Variants in PXDNL observed in about 807,000 individuals in gnomAD.
The protein encoded by PXDNL is peroxidasin like, also known as probable oxidoreductase PXDNL.
A neutral mutation model predicts 150.8 loss-of-function variants in PXDNL; 145 were observed. The ratio of observed to expected loss-of-function variants is 0.96; its 90% confidence interval spans 0.84 to 1.10. The LOEUF is 1.10. Ranked by LOEUF, PXDNL falls within the 50% of genes least tolerant of loss-of-function variation. PXDNL has a pLI of 0.00. For missense variants in PXDNL, 2,087 were observed against 1,873.9 expected (o/e 1.11, Z -2.10); for synonymous variants, 757 against 725.7 (o/e 1.04, Z -0.69).
chr8:51,705,530 G>A (rs958329413), intron 1 of PXDNL, among the ~76,000 whole-genome samples: 3 of 152,228 alleles, frequency 2.0e-5, no homozygotes, highest in African/African-American at 7.2e-5. Flanking sequence ...AGAAGAAGGA[G>A]AAAGAGTAGG....
intron 3 of PXDNL, among the ~76,000 whole-genome samples, chr8:51,587,839 C>A: frequency 6.6e-6 from 1 of 152,020 alleles, no homozygotes; most frequent in East Asian, 1.9e-4. Flanking sequence ...ATGAGTAGTT[C>A]CTGTGTTCTA....
chr8:51,361,960 A>AAAAAAAG (rs1563374211), intron 19 of PXDNL, among the ~76,000 whole-genome samples: 169 of 148,960 alleles, frequency 1.1e-3, no homozygotes, highest in African/African-American at 4.1e-3. Context: ...AAAAAAAAAA[A>AAAAAAAG]AAAAAGAAAA....
intron 5 of PXDNL, among the ~76,000 whole-genome samples, chr8:51,486,758 A>ATATG (rs1363625684): frequency 1.9e-4 from 3 of 16,186 alleles, no homozygotes; most frequent in Admixed American, 2.4e-3. Context: ...GTTTATATAT[A>ATATG]TATATATATA....
intron 1 of PXDNL, among the ~76,000 whole-genome samples, chr8:51,792,086 C>T (rs892142326): frequency 1.1e-4 from 17 of 151,542 alleles, no homozygotes; most frequent in Non-Finnish European, 2.2e-4. Context: ...TGAGTTTTAC[C>T]TTCTGCCTTA....
intron 14 of PXDNL, among the ~76,000 whole-genome samples, chr8:51,419,930 T>C (rs746634518): frequency 1.2e-4 from 19 of 152,256 alleles, no homozygotes; most frequent in Non-Finnish European, 2.8e-4. Flanking sequence ...AGGTTATTTA[T>C]GTAAACTGTT....
intron 21 of PXDNL, among the ~76,000 whole-genome samples, chr8:51,329,754 G>A (rs759122022): frequency 7.2e-5 from 11 of 152,166 alleles, no homozygotes; most frequent in Non-Finnish European, 5.9e-5. Flanking sequence ...GAATGCCTTC[G>A]ATGGCTTCAT....
intron 12 of PXDNL, among the ~76,000 whole-genome samples, chr8:51,433,962 G>T (rs1809324656): frequency 6.6e-6 from 1 of 151,932 alleles, no homozygotes; most frequent in Admixed American, 6.6e-5. Context: ...TTATCTATAT[G>T]TTCATCAGGT....
chr8:51,330,375 A>G (rs1805645286), intron 21 of PXDNL, among the ~76,000 whole-genome samples: 1 of 138,850 alleles, frequency 7.2e-6, no homozygotes, highest in Admixed American at 7.0e-5. Context: ...AAATCTAAGA[A>G]CTACAGGGCA....
Position 51,524,601 on chromosome 8 carries a change from G to A in PXDNL, c.381-24831C>T, listed in dbSNP as rs141535767. ...ATAAAATTCAGTTTTTATTTTAGATGTGAAACTTTTCTTATGATGCCACCA... is the reference window on the plus strand; with the variant it reads ...ATAAAATTCAGTTTTTATTTTAGATATGAAACTTTTCTTATGATGCCACCA... On this transcript the variant is annotated intron_variant, in intron 4 of 22. Coordinates refer to ENST00000356297, the MANE Select transcript of PXDNL (RefSeq NM_144651.5). Among the ~76,000 whole-genome samples the A allele has an allele frequency of 1.2e-3, 184 of 152,134 alleles. 1 individual carries two copies. Among genetic ancestry groups the A allele is most frequent in the East Asian group, 7.4e-3 (38 of 5,168 alleles).
At chr8:51,678,344 A>G (rs1415532543) in intron 1 of PXDNL, among the ~76,000 whole-genome samples, 4 of 152,288 alleles carry the variant, frequency 2.6e-5, no homozygotes, top group East Asian at 1.9e-4. Context: ...TTACTTACAC[A>G]TTTAGTCCAC....
intron 21 of PXDNL, among the ~76,000 whole-genome samples, chr8:51,333,117 C>T (rs2130651328): frequency 6.6e-6 from 1 of 152,286 alleles, no homozygotes; most frequent in Non-Finnish European, 1.5e-5. Flanking sequence ...AAAGGAAAAC[C>T]TATCAGATTA....
chr8:51,440,750 G>A (rs1191367778), intron 12 of PXDNL, among the ~76,000 whole-genome samples: 1 of 152,166 alleles, frequency 6.6e-6, no homozygotes, highest in Non-Finnish European at 1.5e-5. Flanking sequence ...GACCAGGAAG[G>A]GCCTGAAAAC....
At chr8:51,749,649 G>A (rs115708555) in intron 1 of PXDNL, among the ~76,000 whole-genome samples, 8,568 of 152,218 alleles carry the variant, frequency 0.056, 273 homozygotes, top group African/African-American at 0.09. Context: ...ATTACTGTAC[G>A]CTACTGTAGA....
At chr8:51,554,252 G>C (rs1264690370) in intron 4 of PXDNL, among the ~76,000 whole-genome samples, 2 of 152,148 alleles carry the variant, frequency 1.3e-5, no homozygotes, top group Non-Finnish European at 2.9e-5. Flanking sequence ...GGGAATTTGG[G>C]GGGCAGAGAC....
chr8:51,611,039 C>T (rs1813987031), intron 2 of PXDNL, among the ~76,000 whole-genome samples: 1 of 152,068 alleles, frequency 6.6e-6, no homozygotes, highest in Non-Finnish European at 1.5e-5. Flanking sequence ...ATGCAGAGGC[C>T]CCGTCCACAT....
chr8:51,365,656 A>G (rs574403267), intron 19 of PXDNL, among the ~76,000 whole-genome samples: 2 of 152,230 alleles, frequency 1.3e-5, no homozygotes, highest in Non-Finnish European at 2.9e-5. Context: ...TGGAATGACA[A>G]AAACTCAAAG....
At chr8:51,594,207 T>C (rs1010464214) in intron 2 of PXDNL, among the ~76,000 whole-genome samples, 2 of 152,356 alleles carry the variant, frequency 1.3e-5, no homozygotes, top group Non-Finnish European at 1.5e-5. Flanking sequence ...TGCATGTGTG[T>C]ATGTAATTTG....
chr8:51,730,083 G>A (rs1358509833), intron 1 of PXDNL, among the ~76,000 whole-genome samples: 2 of 152,162 alleles, frequency 1.3e-5, no homozygotes, highest in Admixed American at 6.5e-5. Context: ...AAAACCCCTA[G>A]AGTGTACACC....
At chr8:51,630,756 GTTA>G in intron 2 of PXDNL, among the ~76,000 whole-genome samples, 1 of 152,084 alleles carries the variant, frequency 6.6e-6, no homozygotes, top group East Asian at 1.9e-4. Flanking sequence ...AGTCAGAATA[GTTA>G]TTATCTAAGA....
Sources: gnomAD v4.1 joint callset for allele counts (sites outside exome capture counted in the v4.1 genomes callset) on GRCh38, gnomAD v4.1.1 for gene constraint, MANE v1.5 for transcripts, NCBI Gene and HGNC (gene_info 2026-07-23, HGNC 2026-07-21) for gene names.